ALK: variants seen among roughly 807,000 people sequenced by gnomAD.
ALK encodes ALK receptor tyrosine kinase.
ALK carries 74 observed loss-of-function variants against 163.1 expected under a neutral mutation model. The observed-to-expected ratio is 0.45, with a 90% CI of 0.38 to 0.55. The LOEUF (loss-of-function observed/expected upper bound fraction) is 0.55, where lower values mean the gene tolerates loss of function less well. ALK is among the 20% of genes least tolerant of loss of function. ALK has a pLI of 0.00. For synonymous variants in ALK, 960 were observed against 843.2 expected, an observed-to-expected ratio of 1.14 and a Z score of -2.40; for missense variants, 2,063 against 2,105.3, an observed-to-expected ratio of 0.98 and a Z score of 0.39.
At chr2:29,767,928 G>A (rs1680908570) in intron 1 of ALK, among the ~76,000 whole-genome samples, 1 of 152,250 alleles carries the variant, frequency 6.6e-6, no homozygotes. Context: ...GGGAAGTCGT[G>A]ATGATTACTC....
chr2:29,600,040 C>A (rs548854648), intron 3 of ALK, among the ~76,000 whole-genome samples: 1 of 152,140 alleles, frequency 6.6e-6, no homozygotes, highest in African/African-American at 2.4e-5. Flanking sequence ...GAGCTCACTC[C>A]GGTGAGGACA....
intron 3 of ALK, among the ~76,000 whole-genome samples, chr2:29,552,096 A>T (rs1377027094): frequency 6.6e-6 from 1 of 152,180 alleles, no homozygotes; most frequent in African/African-American, 2.4e-5. Flanking sequence ...ATACCTTGTA[A>T]AATTGGAGTC....
chr2:29,319,231 T>C (rs11897586), intron 7 of ALK: 14,864 of 152,324 alleles, frequency 0.098, 873 homozygotes, highest in Non-Finnish European at 0.13. Flanking sequence ...ATTTTGTACG[T>C]GGCCGGTGCT....
At chr2:29,834,352 G>A (rs1193659144) in intron 1 of ALK, among the ~76,000 whole-genome samples, 2 of 152,194 alleles carry the variant, frequency 1.3e-5, no homozygotes, top group Non-Finnish European at 2.9e-5. Flanking sequence ...ACAATGCCAA[G>A]TAGCAGTAGC....
At chr2:29,898,975 CT>C (rs972229506) in intron 1 of ALK, among the ~76,000 whole-genome samples, 2 of 152,124 alleles carry the variant, frequency 1.3e-5, no homozygotes, top group Non-Finnish European at 2.9e-5. Context: ...AGAGCCTCTG[CT>C]TTTTTTCAGA....
intron 9 of ALK, among the ~76,000 whole-genome samples, chr2:29,294,352 C>T (rs1256349142): frequency 6.6e-6 from 1 of 152,142 alleles, no homozygotes; most frequent in African/African-American, 2.4e-5. Context: ...CATAAGAAGC[C>T]CGCCTTTATC....
intron 1 of ALK, among the ~76,000 whole-genome samples, chr2:29,788,110 C>T (rs547929914): frequency 2.6e-4 from 40 of 152,322 alleles, no homozygotes; most frequent in African/African-American, 9.4e-4. Flanking sequence ...TGCTCTTTAG[C>T]CTATGACCTG....
At chr2:29,326,660 T>G (rs1667272725) in intron 6 of ALK, among the ~76,000 whole-genome samples, 1 of 152,240 alleles carries the variant, frequency 6.6e-6, no homozygotes, top group Admixed American at 6.5e-5. Flanking sequence ...GAGTTTTATC[T>G]AAAAACATAC....
At chr2:29,903,002 C>T (rs1667455507) in intron 1 of ALK, among the ~76,000 whole-genome samples, 1 of 152,152 alleles carries the variant, frequency 6.6e-6, no homozygotes, top group African/African-American at 2.4e-5. Context: ...TTAACTAGGA[C>T]CCAGAGAGTT....
At chr2:29,270,113 A>T (rs1365483158) in intron 11 of ALK, among the ~76,000 whole-genome samples, 1 of 152,220 alleles carries the variant, frequency 6.6e-6, no homozygotes, top group Non-Finnish European at 1.5e-5. Flanking sequence ...TGAAAGAGAG[A>T]TCCCTCTTGA....
intron 9 of ALK, among the ~76,000 whole-genome samples, chr2:29,292,309 C>T (rs1166375635): frequency 6.6e-6 from 1 of 152,164 alleles, no homozygotes; most frequent in East Asian, 1.9e-4. Context: ...TTGAACTTAG[C>T]ATGGCTTCTG....
At chr2:29,812,813 G>C (rs947386718) in intron 1 of ALK, among the ~76,000 whole-genome samples, 13 of 152,170 alleles carry the variant, frequency 8.5e-5, no homozygotes, top group African/African-American at 2.7e-4. Context: ...CATGCTCATG[G>C]ATCACTTATC....
At chr2:29,220,872 A>T (rs1329077579) in intron 22 of ALK, 37 bp from the exon 23 acceptor site, 1 of 1,613,214 alleles carries the variant, frequency 6.2e-7, no homozygotes, top group Non-Finnish European at 8.5e-7. Flanking sequence ...AAATTAACTG[A>T]GCTGAGTCTG....
chr2:29,653,965 A>G (rs892790215), intron 3 of ALK, among the ~76,000 whole-genome samples: 9 of 152,136 alleles, frequency 5.9e-5, no homozygotes, highest in African/African-American at 1.9e-4. Context: ...AGGCTGAGGC[A>G]TGAGAATCAT....
intron 8 of ALK, among the ~76,000 whole-genome samples, chr2:29,304,661 CTCTTT>C (rs1197419012): frequency 6.6e-6 from 1 of 152,178 alleles, no homozygotes; most frequent in African/African-American, 2.4e-5. Context: ...TCAAACCATC[CTCTTT>C]TCTTGTCTGC....
At position 29,227,224 on chromosome 2, in the gene ALK, G is replaced by A; in HGVS notation, c.2915-150C>T. The A allele has an allele frequency of 1.9e-6, 2 of 1,041,530 alleles. No homozygotes were observed. The highest frequency in any genetic ancestry group is 2.9e-6 in the Non-Finnish European group (2 of 680,302). The allele number at this position is 1,041,530 out of a possible 1,614,324, so 64.5% of individuals were successfully genotyped here. ...ACTGGAAGCACAACTGTGTAGAAGAGTCTTCCTGTGCATATAGAGAGTGCA... is the reference window on the plus strand; with the variant it reads ...ACTGGAAGCACAACTGTGTAGAAGAATCTTCCTGTGCATATAGAGAGTGCA... On this transcript the variant is annotated intron_variant, in intron 17 of 28. Transcript: ENST00000389048. The surrounding 1 kb of genome is among the most constrained non-coding windows in gnomAD (Gnocchi z 4.4).
chr2:29,429,704 T>C (rs1426572371), intron 4 of ALK, among the ~76,000 whole-genome samples: 1 of 152,068 alleles, frequency 6.6e-6, no homozygotes, highest in African/African-American at 2.4e-5. Flanking sequence ...CCCAGGTAAC[T>C]TTTTGGTATA....
chr2:29,893,012 G>A (rs895101100), intron 1 of ALK, among the ~76,000 whole-genome samples: 16 of 152,076 alleles, frequency 1.1e-4, no homozygotes, highest in African/African-American at 3.9e-4. Context: ...CCCCATTAGG[G>A]CACAGTACTG....
At chr2:29,431,803 G>A (rs1339141790) in intron 4 of ALK, among the ~76,000 whole-genome samples, 2 of 152,054 alleles carry the variant, frequency 1.3e-5, no homozygotes, top group East Asian at 3.9e-4. Context: ...CTCCCAAAAG[G>A]TTCCACAAAA....
Sources: allele counts gnomAD v4.1 joint callset (sites outside exome capture counted in the v4.1 genomes callset), GRCh38; gene constraint gnomAD v4.1.1; non-coding constraint Gnocchi (gnomAD v3.1); transcripts MANE v1.5; gene names NCBI Gene and HGNC (gene_info 2026-07-23, HGNC 2026-07-21).